Variants in C3 observed in about 807,000 individuals in gnomAD.
C3 encodes C3 and PZP-like alpha-2-macroglobulin domain-containing protein 1.
In C3, 97 loss-of-function variants were observed where a neutral mutation model predicts 207.9. The observed-to-expected ratio is 0.47, with a 90% CI of 0.40 to 0.55. The LOEUF is 0.55. C3 is among the 20% of genes least tolerant of loss of function. The pLI, the probability that C3 is intolerant of heterozygous loss-of-function variation, is 0.00. For missense variants in C3, 1,684 were observed against 2,171.7 expected, an observed-to-expected ratio of 0.78 and a Z score of 4.46; for synonymous variants, 848 against 857.6, an observed-to-expected ratio of 0.99 and a Z score of 0.20.
intron 4 of C3, chr19:6,716,910 C>T (rs989344488): frequency 2.0e-5 from 3 of 152,106 alleles, no homozygotes; most frequent in Non-Finnish European, 2.9e-5. Context: ...TGAGCAAAGA[C>T]TTAAAGGAGG....
intron 24 of C3, 108 bp from the exon 25 acceptor site, chr19:6,693,595 G>A (rs1047685763): frequency 4.7e-5 from 45 of 958,072 alleles, no homozygotes; most frequent in East Asian, 4.7e-4. Flanking sequence ...TCAGGGTGGC[G>A]GAGGGGTTCT....
At chr19:6,714,501 C>T in intron 4 of C3, 55 bp from the exon 5 acceptor site, 1 of 1,253,304 alleles carries the variant, frequency 8.0e-7, no homozygotes, top group Non-Finnish European at 1.2e-6. Context: ...GGAGGCTGGG[C>T]TTAGCCTCTC....
intron 17 of C3, among the ~76,000 whole-genome samples, chr19:6,703,421 A>G (rs1398964860): frequency 6.6e-6 from 1 of 152,120 alleles, no homozygotes; most frequent in Non-Finnish European, 1.5e-5. Flanking sequence ...AGCCTGGCCA[A>G]TGTGGCAAAA....
At chr19:6,693,551 G>C in intron 24 of C3, 64 bp from the exon 25 acceptor site, 1 of 1,453,890 alleles carries the variant, frequency 6.9e-7, no homozygotes, top group Non-Finnish European at 9.4e-7. Flanking sequence ...ACGCCAGAAA[G>C]GGCAGGGGCG....
chr19:6,683,446 A>ATTTC (rs1917915682), intron 33 of C3: 1 of 93,430 alleles, frequency 1.1e-5, no homozygotes, highest in Non-Finnish European at 2.0e-5. Context: ...GTTTTATTCT[A>ATTTC]TTTTTTTTTT....
intron 36 of C3, among the ~76,000 whole-genome samples, chr19:6,679,875 A>G (rs1917815089): frequency 6.6e-6 from 1 of 151,992 alleles, no homozygotes; most frequent in African/African-American, 2.4e-5. Flanking sequence ...AGATCCCTAG[A>G]ACCAACTCAT....
At chr19:6,679,623 C>A (rs1917809710) in intron 36 of C3, 127 bp from the exon 37 acceptor site, 4 of 740,506 alleles carry the variant, frequency 5.4e-6, no homozygotes, top group Non-Finnish European at 9.9e-6. Context: ...CCCCTCAGAT[C>A]CCTCAGACCC....
intron 4 of C3, 62 bp downstream of exon 4, chr19:6,718,032 G>T: frequency 4.7e-6 from 7 of 1,499,388 alleles, no homozygotes; most frequent in Admixed American, 3.3e-5. Flanking sequence ...TGTCTCTCTC[G>T]ATCTCTTTGC....
At chr19:6,709,978 G>GGA (rs1241916405) in intron 13 of C3, 136 bp from the exon 14 acceptor site, 2 of 614,030 alleles carry the variant, frequency 3.3e-6, no homozygotes, top group East Asian at 3.7e-5. Context: ...GGAGAGAGAG[G>GGA]GAGAGAGAGA....
At chr19:6,682,329 A>G in intron 33 of C3, 100 bp from the exon 34 acceptor site, 1 of 842,482 alleles carries the variant, frequency 1.2e-6, no homozygotes, top group Non-Finnish European at 2.1e-6. Context: ...GAGACTTCTG[A>G]TTCCCACATA....
intron 14 of C3, 73 bp downstream of exon 14, chr19:6,709,611 T>TTGGCCCCCCC: frequency 4.5e-6 from 5 of 1,109,444 alleles, no homozygotes; most frequent in Non-Finnish European, 4.1e-6. Context: ...CCCTCTCCAG[T>TTGGCCCCCCC]CCCACCCACC....
At chr19:6,683,327 A>G (rs1917912197) in intron 33 of C3, 2 of 151,054 alleles carry the variant, frequency 1.3e-5, no homozygotes, top group Non-Finnish European at 2.9e-5. Flanking sequence ...ATACAAAGGA[A>G]AAAAAAAACA....
intron 11 of C3, among the ~76,000 whole-genome samples, chr19:6,711,722 T>C (rs1231146072): frequency 6.6e-6 from 1 of 152,168 alleles, no homozygotes; most frequent in African/African-American, 2.4e-5. Flanking sequence ...GGAGGCCATC[T>C]GCAACCTCCG....
In C3 at chr19:6,684,969, C is replaced by T. The variant is rs764548170; in HGVS notation, c.3969+19G>A. ...GGGGAGACAGCCAGAGTGAGGAGGGCTTGGCTGGGTGACTGTACCTCTTCT... is the reference window on the plus strand; with the variant it reads ...GGGGAGACAGCCAGAGTGAGGAGGGTTTGGCTGGGTGACTGTACCTCTTCT... On this transcript the variant is annotated intron_variant, in intron 30 of 40. Coordinates refer to ENST00000245907, the MANE Select transcript of C3 (RefSeq NM_000064.4). The T allele has an allele frequency of 2.5e-6, 4 of 1,613,310 alleles. No homozygotes were observed. Among genetic ancestry groups the T allele is most frequent in the Non-Finnish European group, 2.5e-6 (3 of 1,179,894 alleles).
At chr19:6,698,882 T>C (rs1406574284) in intron 19 of C3, among the ~76,000 whole-genome samples, 1 of 151,892 alleles carries the variant, frequency 6.6e-6, no homozygotes, top group Non-Finnish European at 1.5e-5. Flanking sequence ...ACAACCTCTA[T>C]ATCCTGGGTT....
chr19:6,714,032 TGTA>T lies in C3; in HGVS notation c.730_732del (p.Tyr244del). 1 of 1,609,390 alleles carries T rather than the reference TGTA, an allele frequency of 6.2e-7. No individual in the cohort carries two copies. The highest frequency in any genetic ancestry group is 8.5e-7 in the Non-Finnish European group (1 of 1,178,520). On this transcript the variant is annotated inframe_deletion, in exon 7 of 41. Coordinates refer to ENST00000245907, the MANE Select transcript of C3 (RefSeq NM_000064.4). Reference sequence around the variant, plus strand: ...ACCTCCAGGCCCTTCTCGTTATAGATGTAGTAGAATTTCTCTGTAGGCTCCACT... The same window carrying T: ...ACCTCCAGGCCCTTCTCGTTATAGATGTAGAATTTCTCTGTAGGCTCCACT...
chr19:6,711,503 G>A (rs1207180286), intron 11 of C3, among the ~76,000 whole-genome samples: 1 of 152,118 alleles, frequency 6.6e-6, no homozygotes, highest in Non-Finnish European at 1.5e-5. Context: ...GGCCTTTAGG[G>A]TGCCCTGGCG....
Position 6,697,989 on chromosome 19 carries a change from TTTATTATTATTA to T in C3, c.2441-207_2441-196del, listed in dbSNP as rs146892701. The stretch of plus-strand genomic sequence containing the variant: ...TGGTGGTGGCTGGGAGTTACCATTA[TTTATTATTATTA>T]TTATTATTATTATTATTATTATTAT... On this transcript the variant is annotated intron_variant, in intron 19 of 40. Transcript: ENST00000245907. Among the ~76,000 whole-genome samples, 804 of 61,196 alleles carry T rather than the reference TTTATTATTATTA, an allele frequency of 0.013. 7 individuals carry two copies. The highest frequency in any genetic ancestry group is 0.052 in the African/African-American group (753 of 14,458). 40.1% of individuals were successfully genotyped at this position (61,196 alleles called of 152,430 possible). A position where few individuals can be genotyped will look rare whatever the true frequency, so the allele number is the denominator to read the frequency against.
intron 27 of C3, 90 bp from the exon 28 acceptor site, chr19:6,686,992 G>C: frequency 2.2e-6 from 3 of 1,364,362 alleles, no homozygotes; most frequent in South Asian, 2.4e-5. Context: ...TGAGCATCAG[G>C]GATTTCTGTC....
Sources: allele counts gnomAD v4.1 joint callset (sites outside exome capture counted in the v4.1 genomes callset), GRCh38; gene constraint gnomAD v4.1.1; transcripts MANE v1.5; gene names NCBI Gene and HGNC (gene_info 2026-07-23, HGNC 2026-07-21).